Variants in GRID2 observed in about 807,000 individuals in gnomAD.
The protein encoded by GRID2 is glutamate ionotropic receptor delta type subunit 2.
In GRID2, 33 loss-of-function variants were observed where a neutral mutation model predicts 114.8. The ratio of observed to expected loss-of-function variants is 0.29; its 90% CI spans 0.22 to 0.38. The LOEUF (loss-of-function observed/expected upper bound fraction) is 0.38, where lower values mean the gene tolerates loss of function less well. Among genes scored for constraint, GRID2 ranks in the 10% least tolerant of loss-of-function variants. GRID2 has a pLI of 1.00. For missense variants in GRID2, 1,184 were observed against 1,257.7 expected (o/e 0.94, Z 0.89); for synonymous variants, 505 against 449.9 (o/e 1.12, Z -1.55).
chr4:93,731,785 C>T (rs917514642), intron 14 of GRID2, among the ~76,000 whole-genome samples: 2 of 152,282 alleles, frequency 1.3e-5, no homozygotes, highest in South Asian at 4.1e-4. Flanking sequence ...ACACTTTCCA[C>T]CACTACTAGC....
At chr4:92,689,704 C>CA (rs1734083863) in intron 2 of GRID2, among the ~76,000 whole-genome samples, 1 of 152,216 alleles carries the variant, frequency 6.6e-6, no homozygotes, top group Non-Finnish European at 1.5e-5. Flanking sequence ...TCCAGGAAAC[C>CA]AGTCCCTGGT....
chr4:93,370,049 G>T (rs1478901794), intron 8 of GRID2, among the ~76,000 whole-genome samples: 1 of 151,976 alleles, frequency 6.6e-6, no homozygotes, highest in Admixed American at 6.6e-5. Context: ...GGCCTTAAAT[G>T]ATCCCCCTTC....
At chr4:93,359,188 G>A (rs1444668968) in intron 8 of GRID2, among the ~76,000 whole-genome samples, 1 of 151,940 alleles carries the variant, frequency 6.6e-6, no homozygotes, top group East Asian at 1.9e-4. Context: ...GCTAGATCAG[G>A]CACACATCCT....
At chr4:93,763,834 A>C (rs1160061882) in intron 14 of GRID2, among the ~76,000 whole-genome samples, 1 of 152,162 alleles carries the variant, frequency 6.6e-6, no homozygotes, top group South Asian at 2.1e-4. Flanking sequence ...TTCCTAGTAG[A>C]AATGACTAAA....
intron 2 of GRID2, among the ~76,000 whole-genome samples, chr4:92,668,821 C>T (rs963207734): frequency 6.6e-6 from 1 of 151,708 alleles, no homozygotes; most frequent in African/African-American, 2.4e-5. Context: ...TATTATAGTC[C>T]CCTTGCCAAG....
intron 2 of GRID2, among the ~76,000 whole-genome samples, chr4:92,749,359 G>T (rs1399113903): frequency 2.1e-5 from 3 of 142,680 alleles, no homozygotes; most frequent in African/African-American, 7.9e-5. Context: ...CTGTCGCCCA[G>T]GCTGGAGTGC....
intron 1 of GRID2, among the ~76,000 whole-genome samples, chr4:92,340,732 C>A (rs960197307): frequency 4.6e-5 from 7 of 152,218 alleles, no homozygotes; most frequent in Admixed American, 2.6e-4. Context: ...TTTTATTCAG[C>A]ATATTGCATT....
At chr4:93,266,153 A>G (rs1328826638) in intron 8 of GRID2, among the ~76,000 whole-genome samples, 3 of 152,184 alleles carry the variant, frequency 2.0e-5, no homozygotes, top group African/African-American at 7.2e-5. Flanking sequence ...GAATATTCAG[A>G]GAAAACCCAT....
chr4:93,513,445 A>G (rs1262394392), intron 12 of GRID2, among the ~76,000 whole-genome samples: 1 of 152,186 alleles, frequency 6.6e-6, no homozygotes, highest in Non-Finnish European at 1.5e-5. Flanking sequence ...GGTATGACCT[A>G]CAAGTAAATG....
intron 2 of GRID2, among the ~76,000 whole-genome samples, chr4:92,674,837 T>C (rs746976742): frequency 6.6e-6 from 1 of 152,198 alleles, no homozygotes; most frequent in Non-Finnish European, 1.5e-5. Context: ...CCTGTGTTTA[T>C]TTTTTATTGT....
intron 13 of GRID2, among the ~76,000 whole-genome samples, chr4:93,596,991 AT>A (rs1739174678): frequency 6.6e-6 from 1 of 152,234 alleles, no homozygotes; most frequent in Non-Finnish European, 1.5e-5. Context: ...GATAAGAAAT[AT>A]ATTGCTCATG....
At chr4:93,715,201 T>C (rs1728807255) in intron 14 of GRID2, among the ~76,000 whole-genome samples, 1 of 152,202 alleles carries the variant, frequency 6.6e-6, no homozygotes, top group Non-Finnish European at 1.5e-5. Context: ...CTTTCCCCAT[T>C]GCCTGTTTTT....
intron 2 of GRID2, among the ~76,000 whole-genome samples, chr4:93,032,957 T>G (rs1724572398): frequency 6.6e-6 from 1 of 152,190 alleles, no homozygotes; most frequent in Admixed American, 6.5e-5. Context: ...ATTTTTCTTA[T>G]AAAGTGTGAT....
chr4:93,333,955 T>C (rs987354317), intron 8 of GRID2, among the ~76,000 whole-genome samples: 19 of 152,172 alleles, frequency 1.2e-4, no homozygotes, highest in Non-Finnish European at 2.5e-4. Flanking sequence ...TTTTTCAGTT[T>C]TGAAGTGCCA....
intron 14 of GRID2, among the ~76,000 whole-genome samples, chr4:93,751,545 A>G (rs747098970): frequency 2.0e-5 from 3 of 152,128 alleles, no homozygotes; most frequent in Admixed American, 1.3e-4. Flanking sequence ...CCTTCATGAG[A>G]AGGACAATGA....
chr4:92,942,976 G>C (rs376095741), intron 2 of GRID2, among the ~76,000 whole-genome samples: 12 of 152,248 alleles, frequency 7.9e-5, no homozygotes, highest in Non-Finnish European at 1.6e-4. Context: ...TGGGTAACCC[G>C]ACCTTTCTCT....
intron 2 of GRID2, among the ~76,000 whole-genome samples, chr4:92,709,585 A>ATATATATATAT (rs1392277814): frequency 2.3e-4 from 28 of 124,356 alleles, no homozygotes; most frequent in African/African-American, 8.5e-4. Context: ...AAAAAAAAAA[A>ATATATATATAT]AAAAATATAT....
chr4:93,790,799 T>G lies in GRID2; in HGVS notation c.222-15916T>G, dbSNP rs549111580. ...AGAAATTAGAGTCTAAAAGCCAGGGTTCACATCTGCCATTTGTCAGCTGTG... is the reference window on the plus strand; with the variant it reads ...AGAAATTAGAGTCTAAAAGCCAGGGGTCACATCTGCCATTTGTCAGCTGTG... On this transcript the variant is annotated intron_variant, in intron 1 of 1. Transcript: ENST00000637838. Among the ~76,000 whole-genome samples, 12 of 152,232 alleles carry G rather than the reference T, an allele frequency of 7.9e-5. No individual in the cohort carries two copies. In the East Asian group the frequency reaches 2.3e-3, roughly 29 times the overall value.
intron 2 of GRID2, among the ~76,000 whole-genome samples, chr4:93,060,846 T>G (rs1727722324): frequency 6.6e-6 from 1 of 152,138 alleles, no homozygotes; most frequent in Non-Finnish European, 1.5e-5. Flanking sequence ...CTCCCACCTA[T>G]AATCCCATTA....
Sources: gnomAD v4.1 joint callset for allele counts (sites outside exome capture counted in the v4.1 genomes callset) on GRCh38, gnomAD v4.1.1 for gene constraint, MANE v1.5 for transcripts, NCBI Gene and HGNC (gene_info 2026-07-23, HGNC 2026-07-21) for gene names.